MYH13: variants seen among roughly 807,000 people sequenced by gnomAD.
The protein encoded by MYH13 is myosin-13.
Under a neutral mutation model 232.1 loss-of-function variants are expected in MYH13, and 177 were observed. The observed-to-expected ratio is 0.76, with a 90% CI of 0.67 to 0.86. MYH13 has a LOEUF of 0.86. MYH13 is among the 40% of genes least tolerant of loss of function. MYH13 has a pLI of 0.00. For synonymous variants in MYH13, 884 were observed against 923.5 expected, an observed-to-expected ratio of 0.96 and a Z score of 0.78; for missense variants, 2,246 against 2,405.9, an observed-to-expected ratio of 0.93 and a Z score of 1.39.
chr17:10,364,287 C>G, intron 3 of MYH13, 40 bp downstream of exon 3: 1 of 1,568,660 alleles, frequency 6.4e-7, no homozygotes, highest in Non-Finnish European at 8.7e-7. Flanking sequence ...GAAAAATGAG[C>G]ATGCCCATAT....
intron 7 of MYH13, among the ~76,000 whole-genome samples, chr17:10,358,471 T>C (rs1367938422): frequency 6.6e-6 from 1 of 152,056 alleles, no homozygotes; most frequent in East Asian, 1.9e-4. Flanking sequence ...TGGGAATATA[T>C]GAGAAATGCC....
At chr17:10,314,012 G>A (rs982530423) in intron 29 of MYH13, among the ~76,000 whole-genome samples, 1 of 152,226 alleles carries the variant, frequency 6.6e-6, no homozygotes, top group Non-Finnish European at 1.5e-5. Context: ...TTGGAGGGAT[G>A]TAAGGGCAAC....
chr17:10,353,103 T>TC (rs2071722800), intron 11 of MYH13, among the ~76,000 whole-genome samples: 1 of 152,158 alleles, frequency 6.6e-6, no homozygotes, highest in African/African-American at 2.4e-5. Flanking sequence ...CACCTGCAGA[T>TC]AAGGCAAAGG....
At chr17:10,319,252 G>T in intron 26 of MYH13, 73 bp from the exon 27 acceptor site, 2 of 1,497,520 alleles carry the variant, frequency 1.3e-6, no homozygotes, top group South Asian at 1.3e-5. Flanking sequence ...GCTGGGTGTT[G>T]AGGAATTGCG....
In MYH13 at chr17:10,306,942, C is replaced by T. The variant is rs375055659; in HGVS notation, c.5292G>A (p.Thr1764=). The T allele has an allele frequency of 1.1e-5, 18 of 1,613,388 alleles. No individual in the cohort carries two copies. The highest frequency in any genetic ancestry group is 6.7e-5 in the East Asian group (3 of 44,904). The change falls in exon 36 of 41, where the codon ACG becomes ACA. Residue 1764 remains threonine, a synonymous_variant. Coordinates refer to ENST00000252172, the MANE Select transcript of MYH13 (RefSeq NM_003802.3). The surrounding 1 kb of genome is among the most constrained non-coding windows in gnomAD (Gnocchi z 4.3). ...NAEEKAKKAI[T]DAAMMAEELK... The stretch of plus-strand genomic sequence containing the variant: ...GAAAAGGAAGAACAGAGCTCACATC[C>T]GTGATGGCCTTCTTGGCCTTCTCCT...
intron 22 of MYH13, 143 bp downstream of exon 22, chr17:10,327,723 C>G (rs1055102039): frequency 6.0e-6 from 6 of 1,006,384 alleles, no homozygotes; most frequent in Non-Finnish European, 8.6e-6. Flanking sequence ...CTTTTACGAG[C>G]AAGGTGGTGC....
intron 2 of MYH13, among the ~76,000 whole-genome samples, chr17:10,365,840 GGTGTGTGTGTGTGTGTGTGTGT>G (rs150455118): frequency 2.4e-4 from 33 of 140,288 alleles, no homozygotes; most frequent in African/African-American, 7.6e-4. Context: ...CTTGCTGCAT[GGTGTGTGTGTGTGTGTGTGTGT>G]GTGTGTGTGT....
At chr17:10,315,586 G>T in intron 29 of MYH13, 107 bp downstream of exon 29, 1 of 975,276 alleles carries the variant, frequency 1.0e-6, no homozygotes, top group Non-Finnish European at 1.5e-6. Flanking sequence ...GAGTCACCGT[G>T]CCCAGCTGCA....
intron 23 of MYH13, among the ~76,000 whole-genome samples, chr17:10,322,696 C>T (rs529733740): frequency 1.4e-5 from 2 of 143,818 alleles, no homozygotes; most frequent in Non-Finnish European, 3.0e-5. Flanking sequence ...TGCAGTGGCG[C>T]AGTCTCAGCT....
In MYH13 at chr17:10,321,568, G is replaced by T. The variant is rs1906940209; in HGVS notation, c.3075C>A (p.Ile1025=). The change falls in exon 24 of 41, where the codon ATC becomes ATA. Residue 1025 remains isoleucine (I), a synonymous_variant. Transcript: ENST00000252172. ...QVEEDKVNGL[I]KINAKLEQQT... is the part of the protein sequence containing the mutation. The stretch of plus-strand genomic sequence containing the variant: ...GCTGTTCAAGCTTGGCATTTATTTT[G>T]ATTAGACCATTGACTTTATCTTCTT... 1.4e-5 allele frequency: 22 copies of T among 1,613,618 alleles called. No homozygotes were observed. Among genetic ancestry groups the T allele is most frequent in the Non-Finnish European group, 1.8e-5 (21 of 1,179,822 alleles).
rs1597377982 is a variant in MYH13, at chr17:10,323,428, C to G, written c.2934+594G>C. ...AAGAATATGAAACAGTCCTTCCTCT[C>G]AAAGAAATGCTAGAAGTTTGTGATA... is the stretch of plus-strand genomic sequence containing the variant. On this transcript the variant is annotated intron_variant, in intron 23 of 40. Transcript: ENST00000252172. Among the ~76,000 whole-genome samples, 4 of 151,934 alleles carry G rather than the reference C, an allele frequency of 2.6e-5. No individual in the cohort carries two copies. In the South Asian group the frequency reaches 8.3e-4, roughly 32 times the overall value.
chr17:10,355,537 C>T (rs1201705894), intron 8 of MYH13, among the ~76,000 whole-genome samples: 1 of 152,168 alleles, frequency 6.6e-6, no homozygotes, highest in African/African-American at 2.4e-5. Flanking sequence ...TTGATATTGG[C>T]CACCATGACC....
intron 33 of MYH13, among the ~76,000 whole-genome samples, 199 bp downstream of exon 33, chr17:10,310,904 C>A (rs1906486302): frequency 6.6e-6 from 1 of 152,140 alleles, no homozygotes; most frequent in Admixed American, 6.5e-5. Flanking sequence ...TATTTATTTT[C>A]AAAGGGGAAC....
intron 22 of MYH13, among the ~76,000 whole-genome samples, chr17:10,326,766 C>T (rs1423153503): frequency 2.0e-5 from 3 of 149,870 alleles, no homozygotes; most frequent in South Asian, 2.1e-4. Flanking sequence ...TGTGAGCCAC[C>T]GCGTCCAGCC....
At chr17:10,320,765 G>A (rs1906912423) in intron 24 of MYH13, among the ~76,000 whole-genome samples, 2 of 152,198 alleles carry the variant, frequency 1.3e-5, no homozygotes, top group African/African-American at 4.8e-5. Flanking sequence ...CCCAGACTAT[G>A]TTCCCTGTAG....
chr17:10,357,690 G>A, intron 8 of MYH13, 45 bp downstream of exon 8: 1 of 1,551,896 alleles, frequency 6.4e-7, no homozygotes, highest in Non-Finnish European at 8.9e-7. Context: ...TTTCAGGAGA[G>A]GGTATGCTTT....
Position 10,324,027 on chromosome 17 carries a change from T to A in MYH13, c.2929A>T (p.Asn977Tyr). ...KVEKEKHATE[N>Y]KVKNLSEEMT... The stretch of plus-strand genomic sequence containing the variant: ...AGTCCCTTGGGTTTGCTCACCTTGT[T>A]CTCTGTGGCATGCTTCTCCTTTTCA... The change falls in exon 23 of 41, where the codon AAC (asparagine) becomes TAC (tyrosine). Residue 977 changes from asparagine (N) to tyrosine (Y), a missense_variant. Transcript: ENST00000252172. The A allele has an allele frequency of 1.9e-6, 3 of 1,613,962 alleles. No homozygotes were observed. The highest frequency in any genetic ancestry group is 2.5e-6 in the Non-Finnish European group (3 of 1,179,942).
intron 8 of MYH13, among the ~76,000 whole-genome samples, chr17:10,355,636 A>G (rs2071743182): frequency 6.6e-6 from 1 of 152,130 alleles, no homozygotes; most frequent in Admixed American, 6.6e-5. Flanking sequence ...GCAAGGACTC[A>G]GGTAGCTCTA....
chr17:10,364,286 G>C (rs773704819), intron 3 of MYH13, 41 bp downstream of exon 3: 1 of 1,564,634 alleles, frequency 6.4e-7, no homozygotes, highest in Admixed American at 1.7e-5. Flanking sequence ...AGAAAAATGA[G>C]CATGCCCATA....
Sources: allele counts gnomAD v4.1 joint callset (sites outside exome capture counted in the v4.1 genomes callset), GRCh38; gene constraint gnomAD v4.1.1; non-coding constraint Gnocchi (gnomAD v3.1); transcripts MANE v1.5; gene names NCBI Gene and HGNC (gene_info 2026-07-23, HGNC 2026-07-21).